SCHIP1: variants seen among roughly 807,000 people sequenced by gnomAD.
SCHIP1 encodes the protein schwannomin-interacting protein 1.
In SCHIP1, 8 loss-of-function variants were observed where a neutral mutation model predicts 29.7. The observed-to-expected ratio is 0.27, with a 90% CI of 0.16 to 0.49. The LOEUF (loss-of-function observed/expected upper bound fraction) is 0.49. Among genes scored for constraint, SCHIP1 ranks in the 20% least tolerant of loss-of-function variants. The probability of loss-of-function intolerance (pLI) is 0.99; values close to 1 mark genes in which losing one functional copy is unlikely to be tolerated. For synonymous variants in SCHIP1, 76 were observed against 94.9 expected (o/e 0.80, Z 1.16); for missense variants, 193 against 294.6 (o/e 0.66, Z 2.52).
chr3:159,721,098 C>T, the SCHIP1 span, among the ~76,000 whole-genome samples: 2 of 152,082 alleles, frequency 1.3e-5, no homozygotes, highest in Non-Finnish European at 2.9e-5. Flanking sequence ...TAGACCCACT[C>T]TAAACAATGA....
the SCHIP1 span, among the ~76,000 whole-genome samples, chr3:159,708,770 G>C: frequency 6.6e-6 from 1 of 152,220 alleles, no homozygotes; most frequent in Non-Finnish European, 1.5e-5. Flanking sequence ...AATGAACCAA[G>C]TGACCTGAGT....
chr3:159,429,714 C>T, the SCHIP1 span, among the ~76,000 whole-genome samples: 3 of 152,212 alleles, frequency 2.0e-5, no homozygotes, highest in East Asian at 3.9e-4. Flanking sequence ...CAGGTTATGC[C>T]GTATCATTTA....
the SCHIP1 span, among the ~76,000 whole-genome samples, chr3:159,479,456 T>C: frequency 5.3e-5 from 8 of 152,318 alleles, no homozygotes; most frequent in East Asian, 1.5e-3. Context: ...ATAGCCTTTA[T>C]GTCATGAGTT....
chr3:159,701,230 T>C, the SCHIP1 span, among the ~76,000 whole-genome samples: 1 of 152,178 alleles, frequency 6.6e-6, no homozygotes, highest in Admixed American at 6.5e-5. Flanking sequence ...AACTCTAACA[T>C]TTTTGTCATT....
the SCHIP1 span, among the ~76,000 whole-genome samples, chr3:159,356,054 C>T: frequency 2.0e-5 from 3 of 152,172 alleles, no homozygotes; most frequent in Admixed American, 1.3e-4. Context: ...GGTATCACCA[C>T]ACTGTCTTCC....
the SCHIP1 span, among the ~76,000 whole-genome samples, chr3:159,277,618 G>C: frequency 1.3e-5 from 2 of 152,066 alleles, no homozygotes; most frequent in Non-Finnish European, 2.9e-5. Context: ...GATTTATGGA[G>C]AAATTAAAAA....
chr3:159,769,183 CA>C, the SCHIP1 span, among the ~76,000 whole-genome samples: 2 of 150,098 alleles, frequency 1.3e-5, no homozygotes, highest in East Asian at 4.0e-4. Flanking sequence ...GGGCCACAAA[CA>C]GTCGGCTTTC....
the SCHIP1 span, among the ~76,000 whole-genome samples, chr3:159,461,577 T>C: frequency 6.6e-6 from 1 of 151,822 alleles, no homozygotes; most frequent in African/African-American, 2.4e-5. Context: ...CCAGACTCTT[T>C]TTTTTTTCTT....
intron 2 of SCHIP1, among the ~76,000 whole-genome samples, chr3:159,885,725 G>A (rs1716898092): frequency 6.6e-6 from 1 of 152,234 alleles, no homozygotes; most frequent in Non-Finnish European, 1.5e-5. Flanking sequence ...ATTTCCTTCA[G>A]ATGACCCTAT....
chr3:159,868,695 C>T (rs1714917648), intron 2 of SCHIP1, among the ~76,000 whole-genome samples: 1 of 152,040 alleles, frequency 6.6e-6, no homozygotes, highest in Admixed American at 6.6e-5. Context: ...TGGCCTCTCT[C>T]CTGATAATGG....
At chr3:159,550,432 G>T in the SCHIP1 span, among the ~76,000 whole-genome samples, 2 of 151,990 alleles carry the variant, frequency 1.3e-5, no homozygotes, top group Non-Finnish European at 2.9e-5. Flanking sequence ...ATAGTCCAAA[G>T]AATAGTTCTT....
chr3:159,706,119 G>T, the SCHIP1 span, among the ~76,000 whole-genome samples: 5 of 152,166 alleles, frequency 3.3e-5, no homozygotes, highest in African/African-American at 1.2e-4. Context: ...CATAGCATGG[G>T]TGGAGGGGCT....
At chr3:159,397,789 GC>G in the SCHIP1 span, among the ~76,000 whole-genome samples, 1 of 152,200 alleles carries the variant, frequency 6.6e-6, no homozygotes, top group African/African-American at 2.4e-5. Context: ...TCTGTGCCCT[GC>G]CCCCAGAGGT....
At chr3:159,545,968 A>G in the SCHIP1 span, among the ~76,000 whole-genome samples, 3 of 151,904 alleles carry the variant, frequency 2.0e-5, no homozygotes, top group African/African-American at 7.2e-5. Flanking sequence ...TTTTTTGTGT[A>G]GAGGTGTTAC....
chr3:159,437,054 T>G, the SCHIP1 span, among the ~76,000 whole-genome samples: 1 of 152,154 alleles, frequency 6.6e-6, no homozygotes, highest in African/African-American at 2.4e-5. Context: ...TTCTAACTCC[T>G]GCTGGCCTTT....
the SCHIP1 span, among the ~76,000 whole-genome samples, chr3:159,718,768 A>G: frequency 2.0e-5 from 3 of 152,150 alleles, no homozygotes; most frequent in African/African-American, 4.8e-5. Context: ...CCATGCTCAT[A>G]GATAGGAAGA....
chr3:159,450,580 A>G, the SCHIP1 span, among the ~76,000 whole-genome samples: 10 of 152,286 alleles, frequency 6.6e-5, no homozygotes, highest in Middle Eastern at 3.4e-3. Flanking sequence ...ACAGCCTCTC[A>G]TAATTTCTTT....
At chr3:159,714,248 A>T in the SCHIP1 span, among the ~76,000 whole-genome samples, 4 of 152,152 alleles carry the variant, frequency 2.6e-5, no homozygotes, top group African/African-American at 9.7e-5. Context: ...AAAATAAAAA[A>T]TAATAAAAAG....
chr3:159,474,137 T>C, the SCHIP1 span, among the ~76,000 whole-genome samples: 1 of 152,158 alleles, frequency 6.6e-6, no homozygotes, highest in Admixed American at 6.6e-5. Context: ...CCACTATCTG[T>C]TTGATGTCCT....
Sources: allele counts gnomAD v4.1 joint callset (sites outside exome capture counted in the v4.1 genomes callset), GRCh38; gene constraint gnomAD v4.1.1; transcripts MANE v1.5; gene names NCBI Gene and HGNC (gene_info 2026-07-23, HGNC 2026-07-21).